The following DGKB variants were observed in gnomAD, a reference collection of about 807,000 sequenced individuals.
The protein encoded by DGKB is 90 kDa diacylglycerol kinase.
Under a neutral mutation model 114.3 loss-of-function variants are expected in DGKB, and 67 were observed. That is an observed-to-expected ratio of 0.59 (90% CI 0.48 to 0.72). The LOEUF is 0.72. Among genes scored for constraint, DGKB ranks in the 30% least tolerant of loss-of-function variants. The pLI, the probability that DGKB is intolerant of heterozygous loss-of-function variation, is 0.00. For missense variants in DGKB, 907 were observed against 975.2 expected (o/e 0.93, Z 0.93); for synonymous variants, 398 against 323.1 (o/e 1.23, Z -2.49).
chr7:14,646,107 A>G (rs938512850), intron 13 of DGKB, among the ~76,000 whole-genome samples: 2 of 152,202 alleles, frequency 1.3e-5, no homozygotes, highest in Non-Finnish European at 2.9e-5. Flanking sequence ...AGATCCAACT[A>G]TATGCTGCCT....
chr7:14,396,154 T>A (rs1252573390), intron 21 of DGKB, among the ~76,000 whole-genome samples: 1 of 152,086 alleles, frequency 6.6e-6, no homozygotes, highest in Non-Finnish European at 1.5e-5. Context: ...GGAATTAATA[T>A]ATTTTAAATA....
chr7:14,166,695 G>A (rs192270129), intron 25 of DGKB, among the ~76,000 whole-genome samples: 126 of 152,198 alleles, frequency 8.3e-4, no homozygotes, highest in African/African-American at 2.9e-3. Context: ...GGCAAATTGG[G>A]GAAGAAGACC....
intron 23 of DGKB, among the ~76,000 whole-genome samples, chr7:14,219,647 T>A (rs1344149315): frequency 6.6e-6 from 1 of 151,810 alleles, no homozygotes; most frequent in Non-Finnish European, 1.5e-5. Context: ...TTTTTTGTTA[T>A]TGAGTTGTAT....
chr7:14,271,370 A>T (rs2128433337), intron 23 of DGKB, among the ~76,000 whole-genome samples: 1 of 152,266 alleles, frequency 6.6e-6, no homozygotes, highest in Non-Finnish European at 1.5e-5. Context: ...GATTAGACCA[A>T]AGCATCTTAA....
intron 13 of DGKB, among the ~76,000 whole-genome samples, chr7:14,664,068 A>G (rs1348526877): frequency 6.6e-6 from 1 of 151,956 alleles, no homozygotes; most frequent in African/African-American, 2.4e-5. Flanking sequence ...AGTAATAACT[A>G]TTTTTAAAAC....
rs62444575 is a variant in DGKB at position 14,352,750 on chromosome 7, C to T, written c.1836-7359G>A. Among the ~76,000 whole-genome samples the T allele has an allele frequency of 5.5e-3, 840 of 152,134 alleles. 5 individuals carry two copies. Among genetic ancestry groups the T allele is most frequent in the South Asian group, 0.011 (52 of 4,822 alleles). On this transcript the variant is annotated intron_variant, in intron 21 of 25. Coordinates refer to ENST00000402815, the MANE Select transcript of DGKB (RefSeq NM_001350709.2). ...GCAGCCTGACCAACATGGTGAAACC[C>T]TGTCTCTACTAAAAATACAAAAATT...
intron 21 of DGKB, among the ~76,000 whole-genome samples, chr7:14,465,609 T>G (rs764153507): frequency 1.3e-5 from 2 of 152,148 alleles, no homozygotes; most frequent in Non-Finnish European, 2.9e-5. Context: ...CCCAGGTTGA[T>G]GCCATTAGTA....
At chr7:14,348,188 A>G (rs369899349) in intron 21 of DGKB, among the ~76,000 whole-genome samples, 1 of 148,940 alleles carries the variant, frequency 6.7e-6, no homozygotes, top group South Asian at 2.2e-4. Context: ...TCCTTCGACA[A>G]CCACTAATCT....
intron 3 of DGKB, 95 bp from the exon 4 acceptor site, chr7:14,754,043 T>C (rs1391323245): frequency 2.2e-6 from 2 of 906,428 alleles, no homozygotes; most frequent in African/African-American, 3.4e-5. Context: ...AAAGTTCAAG[T>C]TTACAGGTTG....
chr7:14,559,931 CCCTT>C (rs1796408064), intron 20 of DGKB, among the ~76,000 whole-genome samples: 1 of 150,420 alleles, frequency 6.6e-6, no homozygotes, highest in Non-Finnish European at 1.5e-5. Context: ...CTTCCTTCCT[CCCTT>C]CCTCTCTTCC....
At chr7:14,837,791 T>C (rs1370394834) in intron 2 of DGKB, among the ~76,000 whole-genome samples, 1 of 152,214 alleles carries the variant, frequency 6.6e-6, no homozygotes, top group Non-Finnish European at 1.5e-5. Context: ...GTTTGTTTCC[T>C]GTTATATTTT....
At chr7:14,167,204 C>T (rs1177152289) in intron 25 of DGKB, among the ~76,000 whole-genome samples, 3 of 58,516 alleles carry the variant, frequency 5.1e-5, no homozygotes, top group Non-Finnish European at 9.2e-5. Flanking sequence ...GAATGAGACT[C>T]CATCTCAAAA....
chr7:14,647,165 A>G (rs1451140472), intron 13 of DGKB, among the ~76,000 whole-genome samples: 2 of 152,122 alleles, frequency 1.3e-5, no homozygotes, highest in Non-Finnish European at 2.9e-5. Context: ...GGATCATTAG[A>G]AACTGTTATG....
chr7:14,533,479 A>ATTTAAAAGTTATTATT (rs1298301928), intron 20 of DGKB, among the ~76,000 whole-genome samples: 1 of 151,868 alleles, frequency 6.6e-6, no homozygotes, highest in African/African-American at 2.4e-5. Context: ...AAGAAAACTT[A>ATTTAAAAGTTATTATT]TTTAAAAGTT....
intron 20 of DGKB, among the ~76,000 whole-genome samples, chr7:14,549,102 T>G (rs1376430605): frequency 6.6e-6 from 1 of 151,746 alleles, no homozygotes; most frequent in Non-Finnish European, 1.5e-5. Context: ...GAAAGTGACA[T>G]AAAACCAGCA....
chr7:14,545,444 T>C (rs1034864326), intron 20 of DGKB, among the ~76,000 whole-genome samples: 1 of 152,152 alleles, frequency 6.6e-6, no homozygotes, highest in African/African-American at 2.4e-5. Context: ...CAATAAGCCA[T>C]GAAACCTCAA....
At chr7:14,295,944 A>G (rs1562865960) in intron 23 of DGKB, among the ~76,000 whole-genome samples, 1 of 151,992 alleles carries the variant, frequency 6.6e-6, no homozygotes, top group Non-Finnish European at 1.5e-5. Flanking sequence ...CTTATGAGTG[A>G]GAACATGCAG....
chr7:14,432,741 G>A (rs1828656582), intron 21 of DGKB, among the ~76,000 whole-genome samples: 1 of 152,130 alleles, frequency 6.6e-6, no homozygotes. Flanking sequence ...CCTTAGTTTA[G>A]ATTTCTTTAG....
At chr7:14,306,472 C>CA (rs2128497337) in intron 23 of DGKB, among the ~76,000 whole-genome samples, 1 of 152,128 alleles carries the variant, frequency 6.6e-6, no homozygotes, top group East Asian at 1.9e-4. Flanking sequence ...ACAATAAAAT[C>CA]AATGCCTAAT....
Sources: allele counts gnomAD v4.1 joint callset (sites outside exome capture counted in the v4.1 genomes callset), GRCh38; gene constraint gnomAD v4.1.1; transcripts MANE v1.5; gene names NCBI Gene and HGNC (gene_info 2026-07-23, HGNC 2026-07-21).